The following LIG1 variants were observed in gnomAD, a reference collection of about 807,000 sequenced individuals.
The protein encoded by LIG1 is ligase I, DNA, ATP-dependent.
In LIG1, 70 loss-of-function variants were observed where a neutral mutation model predicts 115.7. The ratio of observed to expected loss-of-function variants is 0.60; its 90% confidence interval spans 0.50 to 0.74. The LOEUF (loss-of-function observed/expected upper bound fraction) is 0.74, where lower values mean the gene tolerates loss of function less well. Among genes scored for constraint, LIG1 ranks in the 30% least tolerant of loss-of-function variants. The probability of loss-of-function intolerance (pLI) is 0.00; values close to 1 mark genes in which losing one functional copy is unlikely to be tolerated. For missense variants in LIG1, 1,115 were observed against 1,225.6 expected (o/e 0.91, Z 1.35); for synonymous variants, 487 against 495.3 (o/e 0.98, Z 0.22).
Position 48,121,264 on chromosome 19 carries a change from G to A in LIG1, c.2291C>T (p.Ala764Val). The A allele has an allele frequency of 1.2e-6, 2 of 1,613,600 alleles. No individual in the cohort carries two copies. The highest frequency in any genetic ancestry group is 1.7e-6 in the Non-Finnish European group (2 of 1,179,802). ...GDTLDLVVIG[A>V]YLGRGKRAGR... is the part of the protein sequence containing the mutation. ...GGCCCGCTTCCCCCGGCCCAGGTAG[G>A]CGCCGATCACCACCAGGTCCAGGGT... The change falls in exon 24 of 28, where the codon GCC (alanine) becomes GTC (valine). Residue 764 changes from alanine to valine, a missense_variant. Coordinates refer to ENST00000263274, the MANE Select transcript of LIG1 (RefSeq NM_000234.3).
intron 4 of LIG1, 148 bp from the exon 5 acceptor site, chr19:48,157,288 T>A: frequency 1.3e-6 from 1 of 774,282 alleles, no homozygotes; most frequent in Non-Finnish European, 1.9e-6. Context: ...TGGCCTCTTC[T>A]CACCTGGGCC....
intron 1 of LIG1, among the ~76,000 whole-genome samples, chr19:48,166,311 C>T (rs2036480334): frequency 1.3e-5 from 2 of 152,190 alleles, no homozygotes. Flanking sequence ...GCAGGAGAAT[C>T]GCTTGAACCC....
intron 25 of LIG1, among the ~76,000 whole-genome samples, chr19:48,118,047 G>C (rs1417089990): frequency 6.6e-6 from 1 of 152,186 alleles, no homozygotes; most frequent in Non-Finnish European, 1.5e-5. Context: ...TGGGAGGAAT[G>C]GGAGATGGAA....
At chr19:48,161,826 CTTTTT>C (rs34448490) in intron 3 of LIG1, among the ~76,000 whole-genome samples, 2 of 123,480 alleles carry the variant, frequency 1.6e-5, no homozygotes, top group Admixed American at 8.3e-5. Flanking sequence ...ATTGGGATGC[CTTTTT>C]TTTTTTTTTT....
chr19:48,137,749 T>C lies in LIG1; in HGVS notation c.1088-61A>G, dbSNP rs765867669. On this transcript the variant is annotated intron_variant, in intron 12 of 27. Coordinates refer to ENST00000263274, the MANE Select transcript of LIG1 (RefSeq NM_000234.3). The surrounding 1 kb of genome is among the most constrained non-coding windows in gnomAD (Gnocchi z 4.3). ...GACAGTTGTGGCTGCGTGTCTCCCT[T>C]CTCTCGCGGCCTGGATGAATTTTCT... 7.0e-6 allele frequency: 11 copies of C among 1,579,032 alleles called. No individual in the cohort carries two copies. The South Asian group carries it at 1.2e-4, about 18-fold the overall frequency.
rs1160565858 is a variant in LIG1, at chr19:48,126,765, T to C, written c.2004+512A>G. Among the ~76,000 whole-genome samples, 5 of 150,952 alleles carry C rather than the reference T, an allele frequency of 3.3e-5. No homozygotes were observed. The South Asian group carries it at 8.4e-4, about 25-fold the overall frequency. ...TATTAATTTTTTTTTTTTTTTTGAA[T>C]AGACACAAGGTCTTTTCTATATTGC... On this transcript the variant is annotated intron_variant, in intron 21 of 27. Transcript: ENST00000263274.
intron 2 of LIG1, among the ~76,000 whole-genome samples, chr19:48,165,304 A>G (rs2036418839): frequency 6.6e-6 from 1 of 152,132 alleles, no homozygotes; most frequent in African/African-American, 2.4e-5. Context: ...CCTGGGGAGC[A>G]AAATTGCTGC....
chr19:48,144,940 G>A (rs1054472023), intron 9 of LIG1, among the ~76,000 whole-genome samples: 20 of 151,298 alleles, frequency 1.3e-4, no homozygotes, highest in Admixed American at 1.3e-3. Flanking sequence ...TTGAGACAGG[G>A]TCTCACTGTC....
intron 12 of LIG1, 79 bp downstream of exon 12, chr19:48,139,892 T>C: frequency 6.6e-7 from 1 of 1,508,734 alleles, no homozygotes; most frequent in Non-Finnish European, 9.2e-7. Flanking sequence ...CTCCACCATC[T>C]CTCCGATCCA....
chr19:48,125,860 C>T (rs576932753), intron 21 of LIG1, among the ~76,000 whole-genome samples: 7 of 151,818 alleles, frequency 4.6e-5, no homozygotes, highest in Non-Finnish European at 7.4e-5. Context: ...TGGTGGTGCA[C>T]GCCTGTAATC....
At chr19:48,153,192 CAAA>C (rs776965171) in intron 6 of LIG1, among the ~76,000 whole-genome samples, 39 of 64,428 alleles carry the variant, frequency 6.1e-4, no homozygotes, top group South Asian at 2.4e-3. Context: ...GAGACTGTCT[CAAA>C]AAAAAAAAAA....
chr19:48,117,534 T>TA, intron 26 of LIG1, 104 bp downstream of exon 26: 1 of 1,225,280 alleles, frequency 8.2e-7, no homozygotes, highest in South Asian at 1.3e-5. Context: ...TCCTGATCCT[T>TA]ACCTGGAAGA....
chr19:48,143,616 G>A lies in LIG1; in HGVS notation c.858-17C>T, dbSNP rs1325599059. 1 of 1,609,154 alleles carries A rather than the reference G, an allele frequency of 6.2e-7. No homozygotes were observed. Among genetic ancestry groups the A allele is most frequent in the Non-Finnish European group, 8.5e-7 (1 of 1,176,226 alleles). ...TAAGGAACCCTAGGGAAGGAAAAGAGACGCAAGAGTGACAGTGGTGCAGGC... is the reference window on the plus strand; with the variant it reads ...TAAGGAACCCTAGGGAAGGAAAAGAAACGCAAGAGTGACAGTGGTGCAGGC... On this transcript the variant is annotated splice_polypyrimidine_tract_variant and intron_variant, in intron 10 of 27. Coordinates refer to ENST00000263274, the MANE Select transcript of LIG1 (RefSeq NM_000234.3).
chr19:48,133,721 G>A lies in LIG1; in HGVS notation c.1609+260C>T, dbSNP rs1470143984. Among the ~76,000 whole-genome samples the A allele has an allele frequency of 2.6e-5, 4 of 152,056 alleles. No homozygotes were observed. The East Asian group carries it at 7.7e-4, about 29-fold the overall frequency. On this transcript the variant is annotated intron_variant, in intron 17 of 27. Coordinates refer to ENST00000263274, the MANE Select transcript of LIG1 (RefSeq NM_000234.3). ...AGCGATCCTCCCACCTCAGCCTCCC[G>A]AGTAGCTGGGATCACAGGCACACGC...
intron 5 of LIG1, among the ~76,000 whole-genome samples, chr19:48,156,598 C>T (rs1025468693): frequency 6.6e-6 from 1 of 152,124 alleles, no homozygotes; most frequent in Non-Finnish European, 1.5e-5. Context: ...ACACTAAGAC[C>T]AGAGCTGTTG....
At chr19:48,144,293 G>A (rs2034975849) in intron 9 of LIG1, among the ~76,000 whole-genome samples, 1 of 152,066 alleles carries the variant, frequency 6.6e-6, no homozygotes, top group African/African-American at 2.4e-5. Context: ...ATGAGGGAGG[G>A]GTTAGCACAG....
At chr19:48,142,035 C>G (rs1230397665) in intron 11 of LIG1, among the ~76,000 whole-genome samples, 1 of 152,182 alleles carries the variant, frequency 6.6e-6, no homozygotes, top group African/African-American at 2.4e-5. Context: ...GGTGTGGTGG[C>G]TCAGGCCTGT....
rs1225173760 is a variant in LIG1 at position 48,154,059 on chromosome 19, G to A, written c.371-92C>T. 2.8e-6 allele frequency: 3 copies of A among 1,062,786 alleles called. 1 individual carries two copies. In the South Asian group the frequency reaches 3.8e-5, roughly 13 times the overall value. 65.8% of individuals were successfully genotyped at this position (1,062,786 alleles called of 1,614,324 possible). A position where few individuals can be genotyped will look rare whatever the true frequency, so the allele number is the denominator to read the frequency against. On this transcript the variant is annotated intron_variant, in intron 5 of 27. Coordinates refer to ENST00000263274, the MANE Select transcript of LIG1 (RefSeq NM_000234.3). ...ACACCCACTGATGTAGCCTCTGGAA[G>A]GCTCTGGGCCCTCTCCCCTTCTCTG...
chr19:48,131,251 A>T (rs973641268), intron 18 of LIG1, 80 bp from the exon 19 acceptor site: 2 of 1,020,988 alleles, frequency 2.0e-6, no homozygotes, highest in Non-Finnish European at 3.1e-6. Flanking sequence ...CCCCACCTGC[A>T]CTGGTAGAAG....
Sources: gnomAD v4.1 joint callset for allele counts (sites outside exome capture counted in the v4.1 genomes callset) on GRCh38, gnomAD v4.1.1 for gene constraint, Gnocchi (gnomAD v3.1) non-coding constraint, MANE v1.5 for transcripts, NCBI Gene and HGNC (gene_info 2026-07-23, HGNC 2026-07-21) for gene names.